Variants in ATP11B observed in about 807,000 individuals in gnomAD.
ATP11B encodes the protein phospholipid-transporting ATPase IF.
Under a neutral mutation model 157.8 loss-of-function variants are expected in ATP11B, and 81 were observed. The observed-to-expected ratio is 0.51, with a 90% CI of 0.43 to 0.62. The LOEUF (loss-of-function observed/expected upper bound fraction) is 0.62. Ranked by LOEUF, ATP11B falls within the 20% of genes least tolerant of loss-of-function variation. The pLI, the probability that ATP11B is intolerant of heterozygous loss-of-function variation, is 0.00. For synonymous variants in ATP11B, 451 were observed against 469.4 expected (o/e 0.96, Z 0.51); for missense variants, 1,165 against 1,402.2 (o/e 0.83, Z 2.70).
At chr3:182,852,874 A>G (rs545178500) in intron 10 of ATP11B, among the ~76,000 whole-genome samples, 3 of 152,372 alleles carry the variant, frequency 2.0e-5, no homozygotes, top group African/African-American at 4.8e-5. Flanking sequence ...TTAAACACTT[A>G]AAAAGGCACT....
Position 182,897,311 on chromosome 3 carries a change from G to A in ATP11B, c.3057G>A (p.Leu1019=). The change falls in exon 27 of 30, where the codon CTG becomes CTA. Residue 1019 remains leucine, a synonymous_variant. Transcript: ENST00000323116. ...TAAAAACTTTTTTTTAGATGGCTCT[G>A]GAAACTCATTTTTGGACTTGGATCA... ...MVITVTVKMA[L]ETHFWTWINH... is the part of the protein sequence containing the mutation. The A allele has an allele frequency of 4.5e-6, 7 of 1,564,252 alleles. No homozygotes were observed. The highest frequency in any genetic ancestry group is 4.7e-5 in the East Asian group (2 of 42,520).
chr3:182,822,611 A>G (rs1717437809), intron 2 of ATP11B, among the ~76,000 whole-genome samples: 1 of 152,246 alleles, frequency 6.6e-6, no homozygotes, highest in South Asian at 2.1e-4. Context: ...AGCATGATTT[A>G]TAATCCTTCG....
rs148648740 is a variant in ATP11B, at chr3:182,873,813, C to G, written c.2050C>G (p.Leu684Val). ...LLGATAVEDR[L>V]QDKVRETIEA... ...CTAATTTGTTTCTGTTCTTTTCAGA[C>G]TACAAGATAAAGTTCGAGAAACTAT... Residue 684 changes from leucine (L) to valine (V), a missense_variant and splice_region_variant, in exon 19 of 30, where the codon CTA (leucine) becomes GTA (valine). This residue lies in a region of ATP11B where 737 missense variants were observed against 930.5 expected (regional missense o/e 0.79). Transcript: ENST00000323116. 6.2e-7 allele frequency: 1 copy of G among 1,613,298 alleles called. No individual in the cohort carries two copies. The highest frequency in any genetic ancestry group is 8.5e-7 in the Non-Finnish European group (1 of 1,179,404).
chr3:182,804,866 C>A (rs1351030104), intron 1 of ATP11B, among the ~76,000 whole-genome samples: 1 of 152,202 alleles, frequency 6.6e-6, no homozygotes, highest in Non-Finnish European at 1.5e-5. Flanking sequence ...ATATAAATGT[C>A]ATCGTACCAT....
chr3:182,915,727 A>G (rs1577126979), intron 29 of ATP11B: 2 of 985,180 alleles, frequency 2.0e-6, no homozygotes, highest in Middle Eastern at 5.2e-4. Context: ...TATTCTTTAC[A>G]TAGCCATTTT....
rs1383321863 is a variant in ATP11B, at chr3:182,859,486, C to A, written c.1200+127C>A. On this transcript the variant is annotated intron_variant, in intron 12 of 29. Transcript: ENST00000323116. ...AAAACAACCCCCCTTTGCTCCACTC[C>A]TAGCTGTTCCCAATTTTTAAACCCT... 4 of 659,914 alleles carry A rather than the reference C, an allele frequency of 6.1e-6. No individual in the cohort carries two copies. The East Asian group carries it at 1.2e-4, about 20-fold the overall frequency. 40.9% of individuals were successfully genotyped at this position (659,914 alleles called of 1,614,324 possible). A position where few individuals can be genotyped will look rare whatever the true frequency, so the allele number is the denominator to read the frequency against.
At chr3:182,867,841 G>A (rs1721364264) in intron 15 of ATP11B, among the ~76,000 whole-genome samples, 1 of 152,096 alleles carries the variant, frequency 6.6e-6, no homozygotes, top group African/African-American at 2.4e-5. Flanking sequence ...AAAATGCAGG[G>A]ATTACAGGTG....
chr3:182,859,204 T>C lies in ATP11B; in HGVS notation c.1045T>C (p.Tyr349His). ...AGACTTCCTTGCTTTTTTGGTTCTC[T>C]ACAATTTCATCATTCCAATTTCATT... ...ISDFLAFLVL[Y>H]NFIIPISLYV... The change falls in exon 12 of 30, where the codon TAC becomes CAC. Residue 349 changes from tyrosine (Y) to histidine (H), a missense_variant. This residue lies in a region of ATP11B where 737 missense variants were observed against 930.5 expected (regional missense o/e 0.79). Coordinates refer to ENST00000323116, the MANE Select transcript of ATP11B (RefSeq NM_014616.3). 2 of 1,612,398 alleles carry C rather than the reference T, an allele frequency of 1.2e-6. No individual in the cohort carries two copies. The highest frequency in any genetic ancestry group is 1.7e-6 in the Non-Finnish European group (2 of 1,179,232).
rs758914732 is a variant in ATP11B, at chr3:182,836,327, C to T, written c.424-15C>T. 6.8e-6 allele frequency: 11 copies of T among 1,612,526 alleles called. No individual in the cohort carries two copies. In the East Asian group the frequency reaches 2.5e-4, roughly 36 times the overall value. The stretch of plus-strand genomic sequence containing the variant: ...TAAAATTTATAAATTCACTCTTCCC[C>T]AAAATTCTTTATAGGTGGGTGATAT... On this transcript the variant is annotated splice_polypyrimidine_tract_variant and intron_variant, in intron 5 of 29. Coordinates refer to ENST00000323116, the MANE Select transcript of ATP11B (RefSeq NM_014616.3).
chr3:182,914,903 G>C, intron 29 of ATP11B: 1 of 985,362 alleles, frequency 1.0e-6, no homozygotes, highest in Non-Finnish European at 1.2e-6. Context: ...GCAGTACACG[G>C]TATGCATGGA....
chr3:182,888,464 T>A (rs969626106), intron 24 of ATP11B, among the ~76,000 whole-genome samples: 2 of 152,182 alleles, frequency 1.3e-5, no homozygotes, highest in African/African-American at 4.8e-5. Context: ...CAGAAGAATA[T>A]AATAACAGAT....
At chr3:182,840,905 TCTG>T (rs561957631) in intron 7 of ATP11B, among the ~76,000 whole-genome samples, 115 of 152,354 alleles carry the variant, frequency 7.5e-4, no homozygotes, top group African/African-American at 2.6e-3. Context: ...ATGTGACTCT[TCTG>T]CTTAACCCTG....
At position 182,807,041 on chromosome 3, in the gene ATP11B, T is replaced by TA. The variant is rs34585140; in HGVS notation, c.28-13207dup. ...TGTTAAGCTTGGCTAAGTATTAATT[T>TA]AAAAAAAAAAAAGACTATCTGTCTT... On this transcript the variant is annotated intron_variant, in intron 1 of 29. Coordinates refer to ENST00000323116, the MANE Select transcript of ATP11B (RefSeq NM_014616.3). Among the ~76,000 whole-genome samples the TA allele has an allele frequency of 1.5e-4, 23 of 150,224 alleles. No individual in the cohort carries two copies. In the East Asian group the frequency reaches 1.8e-3, roughly 11 times the overall value.
chr3:182,877,739 G>A (rs1435226158), intron 19 of ATP11B, among the ~76,000 whole-genome samples: 1 of 152,114 alleles, frequency 6.6e-6, no homozygotes, highest in Non-Finnish European at 1.5e-5. Context: ...GTATGGCCAG[G>A]GAGTGGTATA....
At chr3:182,838,415 G>A (rs1464849252) in intron 7 of ATP11B, among the ~76,000 whole-genome samples, 1 of 151,958 alleles carries the variant, frequency 6.6e-6, no homozygotes, top group Non-Finnish European at 1.5e-5. Flanking sequence ...ATGCTTTGGT[G>A]TATGGTTTTT....
chr3:182,801,881 A>G (rs1716034121), intron 1 of ATP11B, among the ~76,000 whole-genome samples: 1 of 152,192 alleles, frequency 6.6e-6, no homozygotes, highest in African/African-American at 2.4e-5. Context: ...ATGTATTGCT[A>G]ATAAATTTAC....
At chr3:182,805,283 CACTT>C (rs1367788085) in intron 1 of ATP11B, among the ~76,000 whole-genome samples, 1 of 152,172 alleles carries the variant, frequency 6.6e-6, no homozygotes, top group East Asian at 1.9e-4. Context: ...TCCTTGCCAA[CACTT>C]ACTTTTGTCT....
Position 182,884,450 on chromosome 3 carries a change from A to C in ATP11B, c.2510-303A>C, listed in dbSNP as rs146873362. On this transcript the variant is annotated intron_variant, in intron 21 of 29. Transcript: ENST00000323116. The stretch of plus-strand genomic sequence containing the variant: ...AGTCTGTTACCCAGTACTTGTGCTT[A>C]TTAGTGTAATAATTGATGTTCCTGC... Among the ~76,000 whole-genome samples, 3 of 152,232 alleles carry C rather than the reference A, an allele frequency of 2.0e-5. No homozygotes were observed. In the East Asian group the frequency reaches 5.8e-4, roughly 29 times the overall value.
chr3:182,806,263 A>G (rs1458565296), intron 1 of ATP11B, among the ~76,000 whole-genome samples: 1 of 152,150 alleles, frequency 6.6e-6, no homozygotes, highest in Non-Finnish European at 1.5e-5. Flanking sequence ...CTTTGTTGGT[A>G]ATATCTTTCA....
Sources: allele counts gnomAD v4.1 joint callset (sites outside exome capture counted in the v4.1 genomes callset), GRCh38; gene constraint gnomAD v4.1.1; regional missense constraint gnomAD v4.1.1; transcripts MANE v1.5; gene names NCBI Gene and HGNC (gene_info 2026-07-23, HGNC 2026-07-21).